Variants in RYR2 observed in about 807,000 individuals in gnomAD.
RYR2 encodes ryanodine receptor 2, also known as cardiac muscle ryanodine receptor-calcium release channel.
RYR2 carries 227 observed loss-of-function variants against 601.1 expected under a neutral mutation model. The observed-to-expected ratio is 0.38, with a 90% confidence interval of 0.34 to 0.42. The LOEUF (loss-of-function observed/expected upper bound fraction) is 0.42, where lower values mean the gene tolerates loss of function less well. RYR2 is among the 10% of genes least tolerant of loss of function. RYR2 has a pLI of 1.00. For missense variants in RYR2, 4,646 were observed against 6,156.5 expected, an observed-to-expected ratio of 0.75 and a Z score of 8.21; for synonymous variants, 2,223 against 2,175.1, an observed-to-expected ratio of 1.02 and a Z score of -0.61.
At chr1:237,503,702 T>A (rs1158626705) in intron 22 of RYR2, among the ~76,000 whole-genome samples, 197 bp downstream of exon 22, 1 of 152,180 alleles carries the variant, frequency 6.6e-6, no homozygotes, top group African/African-American at 2.4e-5. Context: ...TATTCTATTC[T>A]ATGTTTTTGT....
intron 2 of RYR2, among the ~76,000 whole-genome samples, chr1:237,301,447 G>A (rs569703387): frequency 5.3e-5 from 8 of 152,162 alleles, no homozygotes; most frequent in African/African-American, 1.2e-4. Flanking sequence ...ACCAGTCACT[G>A]TAGGAAAGTG....
At chr1:237,284,708 C>T (rs1329921400) in intron 2 of RYR2, among the ~76,000 whole-genome samples, 1 of 121,824 alleles carries the variant, frequency 8.2e-6, no homozygotes, top group South Asian at 2.7e-4. Flanking sequence ...CCATAAACAC[C>T]CCCCCACACA....
chr1:237,573,142 A>G (rs1423160975), intron 29 of RYR2, among the ~76,000 whole-genome samples: 1 of 152,088 alleles, frequency 6.6e-6, no homozygotes, highest in Non-Finnish European at 1.5e-5. Flanking sequence ...TTATTGCTAC[A>G]GAGAAAGCTC....
chr1:237,593,135 G>T (rs770055439), intron 32 of RYR2, among the ~76,000 whole-genome samples: 1 of 151,820 alleles, frequency 6.6e-6, no homozygotes, highest in Non-Finnish European at 1.5e-5. Flanking sequence ...CACTGTATAT[G>T]TGCACATATA....
Position 237,614,625 on chromosome 1 carries a change from A to G in RYR2, c.5497A>G (p.Ile1833Val). The G allele has an allele frequency of 1.2e-6, 2 of 1,614,012 alleles. No homozygotes were observed. Among genetic ancestry groups the G allele is most frequent in the Non-Finnish European group, 1.7e-6 (2 of 1,179,890 alleles). The change falls in exon 37 of 105, where the codon ATC becomes GTC. Residue 1833 changes from isoleucine (I) to valine (V), a missense_variant. Ile to Val is a conservative substitution (Grantham distance 29). This residue lies in a region of RYR2 where 1,807 missense variants were observed against 2,088.1 expected (regional missense o/e 0.87). Coordinates refer to ENST00000366574, the MANE Select transcript of RYR2 (RefSeq NM_001035.3). The surrounding 1 kb of genome is among the most constrained non-coding windows in gnomAD (Gnocchi z 4.3). ...KLFYTLLIMGIFHNEDLKHIL... is the reference protein window; with the variant it reads ...KLFYTLLIMGVFHNEDLKHIL... ...TTTCTATACCCTGCTGATCATGGGCATCTTTCACAACGAGGACTTGAAGCA... is the reference window on the plus strand; with the variant it reads ...TTTCTATACCCTGCTGATCATGGGCGTCTTTCACAACGAGGACTTGAAGCA...
At chr1:237,678,160 A>G (rs752077117) in intron 61 of RYR2, 48 bp downstream of exon 61, 25 of 1,030,220 alleles carry the variant, frequency 2.4e-5, no homozygotes, top group Admixed American at 3.8e-5. Flanking sequence ...GTTTGTTTAC[A>G]TACCCTACTC....
At chr1:237,165,330 C>T (rs967888647) in intron 1 of RYR2, among the ~76,000 whole-genome samples, 4 of 152,016 alleles carry the variant, frequency 2.6e-5, no homozygotes, top group African/African-American at 9.7e-5. Flanking sequence ...TGTTAATTAA[C>T]AAGTTCATGG....
intron 63 of RYR2, among the ~76,000 whole-genome samples, chr1:237,690,029 G>T (rs1045679234): frequency 6.6e-6 from 1 of 152,046 alleles, no homozygotes; most frequent in Non-Finnish European, 1.5e-5. Context: ...TAGAAACGGG[G>T]TTTCACCATG....
chr1:237,611,266 C>T (rs2148576742), intron 36 of RYR2, among the ~76,000 whole-genome samples: 1 of 152,138 alleles, frequency 6.6e-6, no homozygotes, highest in South Asian at 2.1e-4. Flanking sequence ...ATGACAATGG[C>T]GAATAAAAAT....
chr1:237,363,750 A>G (rs1377139700), intron 4 of RYR2, among the ~76,000 whole-genome samples: 3 of 152,164 alleles, frequency 2.0e-5, no homozygotes, highest in African/African-American at 7.2e-5. Context: ...AAAAAGAGCT[A>G]TTATATAATT....
At chr1:237,303,691 C>T (rs1320997778) in intron 2 of RYR2, among the ~76,000 whole-genome samples, 1 of 152,060 alleles carries the variant, frequency 6.6e-6, no homozygotes, top group Non-Finnish European at 1.5e-5. Context: ...ACATATGTAC[C>T]TTTTTCTCAC....
intron 10 of RYR2, among the ~76,000 whole-genome samples, chr1:237,399,872 G>A (rs1298711400): frequency 6.6e-6 from 1 of 152,112 alleles, no homozygotes. Flanking sequence ...TGATGGGAAG[G>A]GGGTAGGGTG....
intron 25 of RYR2, among the ~76,000 whole-genome samples, chr1:237,544,805 A>G (rs1669630771): frequency 6.6e-6 from 1 of 152,204 alleles, no homozygotes; most frequent in African/African-American, 2.4e-5. Flanking sequence ...TTCGTTTCAT[A>G]AATTATTGCT....
rs377629519 is a variant in RYR2, at chr1:237,152,338, A to G, written c.48+109769A>G. 7.9e-5 allele frequency among the ~76,000 whole-genome samples: 12 copies of G among 152,334 alleles called. No individual in the cohort carries two copies. The East Asian group carries it at 1.4e-3, about 17-fold the overall frequency. ...ATATGTGTGCATGTATCTTTATAGT[A>G]GAATGATTTATATTCCTTTGGTATA... On this transcript the variant is annotated intron_variant, in intron 1 of 104. Transcript: ENST00000366574.
chr1:237,697,431 TATA>T (rs1687577963), intron 63 of RYR2, among the ~76,000 whole-genome samples: 1 of 143,038 alleles, frequency 7.0e-6, no homozygotes, highest in African/African-American at 2.6e-5. Flanking sequence ...TATATAATTA[TATA>T]ATATATATTT....
chr1:237,159,285 C>G (rs747486452), intron 1 of RYR2, among the ~76,000 whole-genome samples: 2 of 151,570 alleles, frequency 1.3e-5, no homozygotes, highest in Non-Finnish European at 2.9e-5. Flanking sequence ...GAGTGAAACT[C>G]CATCTCAAAA....
At chr1:237,646,905 T>G (rs1225181283) in intron 48 of RYR2, among the ~76,000 whole-genome samples, 1 of 152,154 alleles carries the variant, frequency 6.6e-6, no homozygotes, top group East Asian at 1.9e-4. Flanking sequence ...AAACAGCAAC[T>G]TGAGCCAATC....
chr1:237,189,203 G>C (rs1422141768), intron 1 of RYR2, among the ~76,000 whole-genome samples: 3 of 152,112 alleles, frequency 2.0e-5, no homozygotes, highest in African/African-American at 7.2e-5. Context: ...CTTCATCTAT[G>C]GTGTGGCATG....
chr1:237,738,890 T>C (rs2149197790), intron 79 of RYR2, among the ~76,000 whole-genome samples: 1 of 152,276 alleles, frequency 6.6e-6, no homozygotes, highest in East Asian at 1.9e-4. Context: ...TGTCATACTG[T>C]TTTCCAAAGT....
Sources: gnomAD v4.1 joint callset for allele counts (sites outside exome capture counted in the v4.1 genomes callset) on GRCh38, gnomAD v4.1.1 for gene constraint, gnomAD v4.1.1 regional missense constraint, Gnocchi (gnomAD v3.1) non-coding constraint, MANE v1.5 for transcripts, NCBI Gene and HGNC (gene_info 2026-07-23, HGNC 2026-07-21) for gene names.